CDH23: variants seen among roughly 807,000 people sequenced by gnomAD.
CDH23 encodes the protein cadherin related 23.
Under a neutral mutation model 317.1 loss-of-function variants are expected in CDH23, and 189 were observed. That is an observed-to-expected ratio of 0.60 (90% confidence interval 0.53 to 0.67). The LOEUF (loss-of-function observed/expected upper bound fraction) is 0.67. CDH23 is among the 30% of genes least tolerant of loss of function. CDH23 has a pLI of 0.00. For synonymous variants in CDH23, 1,839 were observed against 1,876.8 expected, an observed-to-expected ratio of 0.98 and a Z score of 0.52; for missense variants, 4,401 against 4,592.4, an observed-to-expected ratio of 0.96 and a Z score of 1.20.
At chr10:71,579,018 C>T (rs946992360) in intron 9 of CDH23, among the ~76,000 whole-genome samples, 1 of 152,174 alleles carries the variant, frequency 6.6e-6, no homozygotes, top group South Asian at 2.1e-4. Flanking sequence ...CCTCAATTTG[C>T]CTGTACCTCC....
chr10:71,499,611 A>C (rs1043302906), intron 3 of CDH23, among the ~76,000 whole-genome samples: 28 of 151,958 alleles, frequency 1.8e-4, no homozygotes, highest in Non-Finnish European at 3.1e-4. Flanking sequence ...AGGCGGAGGC[A>C]GGTGGATCAC....
At chr10:71,544,607 G>A (rs1482598777) in intron 6 of CDH23, among the ~76,000 whole-genome samples, 1 of 152,198 alleles carries the variant, frequency 6.6e-6, no homozygotes, top group African/African-American at 2.4e-5. Context: ...GAAAAGAGGA[G>A]GAGCATACCT....
At chr10:71,459,789 T>C (rs535747644) in intron 3 of CDH23, among the ~76,000 whole-genome samples, 1 of 152,300 alleles carries the variant, frequency 6.6e-6, no homozygotes, top group African/African-American at 2.4e-5. Context: ...CTGCTGTTAC[T>C]ACCCCTGGCC....
intron 24 of CDH23, among the ~76,000 whole-genome samples, chr10:71,703,666 T>G (rs1865673747): frequency 6.6e-6 from 1 of 152,182 alleles, no homozygotes; most frequent in Non-Finnish European, 1.5e-5. Flanking sequence ...GGGGTGAGCT[T>G]GGTGGTGCCC....
chr10:71,764,202 G>A (rs1349263160), intron 38 of CDH23, among the ~76,000 whole-genome samples: 5 of 152,202 alleles, frequency 3.3e-5, no homozygotes, highest in South Asian at 2.1e-4. Context: ...AGGCAGAACC[G>A]TAATAAGAAG....
chr10:71,814,926 C>A, intron 69 of CDH23, 26 bp from the exon 70 acceptor site: 1 of 1,586,134 alleles, frequency 6.3e-7, no homozygotes, highest in South Asian at 1.1e-5. Flanking sequence ...TGGCCCTGAG[C>A]ATGTGGGGGT....
At chr10:71,528,300 A>G (rs1293430600) in intron 6 of CDH23, among the ~76,000 whole-genome samples, 1 of 151,566 alleles carries the variant, frequency 6.6e-6, no homozygotes, top group Non-Finnish European at 1.5e-5. Context: ...TTCTCTCCCT[A>G]AAGAAGGTCA....
intron 3 of CDH23, among the ~76,000 whole-genome samples, chr10:71,484,303 T>C (rs1178276220): frequency 6.6e-6 from 1 of 152,202 alleles, no homozygotes; most frequent in Non-Finnish European, 1.5e-5. Context: ...AGGGCCAAAG[T>C]GCTTGCAAGA....
intron 1 of CDH23, among the ~76,000 whole-genome samples, chr10:71,420,577 A>T (rs1242011357): frequency 2.1e-5 from 3 of 144,830 alleles, no homozygotes; most frequent in African/African-American, 7.8e-5. Flanking sequence ...GATGATGATG[A>T]TGATGGTGAT....
chr10:71,802,877 C>T, intron 53 of CDH23, 21 bp from the exon 54 acceptor site: 1 of 1,613,680 alleles, frequency 6.2e-7, no homozygotes, highest in Non-Finnish European at 8.5e-7. Context: ...TTACCTTTGG[C>T]CTTGACCTCC....
chr10:71,785,231 C>T lies in CDH23; in HGVS notation c.5712+131C>T, dbSNP rs1405721431. ...CCGTTCCTGCACTGGGATGAGGACACCTCTGTGGGAAGCATGGAATCTTGG... is the reference window on the plus strand; with the variant it reads ...CCGTTCCTGCACTGGGATGAGGACATCTCTGTGGGAAGCATGGAATCTTGG... On this transcript the variant is annotated intron_variant, in intron 43 of 69. Transcript: ENST00000224721. 14 of 693,230 alleles carry T rather than the reference C, an allele frequency of 2.0e-5. No homozygotes were observed. The Admixed American group carries it at 3.7e-4, about 18-fold the overall frequency. 42.9% of individuals were successfully genotyped at this position (693,230 alleles called of 1,614,324 possible).
At chr10:71,646,832 G>A in intron 14 of CDH23, 2 of 1,481,494 alleles carry the variant, frequency 1.3e-6, no homozygotes, top group Non-Finnish European at 1.8e-6. Flanking sequence ...GAGCCAACCT[G>A]AGGGGTGACG....
chr10:71,753,801 CA>C (rs764503194), intron 38 of CDH23: 48 of 456,366 alleles, frequency 1.1e-4, no homozygotes, highest in Non-Finnish European at 2.0e-4. Context: ...AACAACAGAA[CA>C]AACACAGGGA....
chr10:71,646,493 G>A lies in CDH23; in HGVS notation c.1325G>A (p.Gly442Asp), dbSNP rs774087917. 7 of 1,613,724 alleles carry A rather than the reference G, an allele frequency of 4.3e-6. No homozygotes were observed. The East Asian group carries it at 1.3e-4, about 31-fold the overall frequency. Reference protein sequence around the residue: ...FANESVPDHVGYAKVKITLIN... With the variant: ...FANESVPDHVDYAKVKITLIN... ...AATGAGAGTGTGCCTGACCATGTGG[G>A]CTATGCCAAGGTGAAGATCACTCTC... Residue 442 changes from glycine (G) to aspartate (D), a missense_variant, in exon 14 of 70, where the codon GGC (glycine) becomes GAC (aspartate). Around this residue, in one of 3 missense-constraint regions of CDH23, gnomAD observed 3,068 missense variants for 3,203.3 expected, o/e 0.96. Coordinates refer to ENST00000224721, the MANE Select transcript of CDH23 (RefSeq NM_022124.6).
intron 14 of CDH23, among the ~76,000 whole-genome samples, chr10:71,650,495 T>C (rs1466980886): frequency 6.6e-6 from 1 of 152,172 alleles, no homozygotes; most frequent in Non-Finnish European, 1.5e-5. Context: ...TTTGTGCCTG[T>C]GCATGTACAT....
rs1236647535 is a variant in CDH23 at position 71,712,823 on chromosome 10, C to G, written c.3369+10C>G. On this transcript the variant is annotated intron_variant, in intron 28 of 69. Transcript: ENST00000224721. ...CCACAGCATCTTGCAGGCAGGTGGC[C>G]CGTGGCCTCTGGGGCAGGTGGTGGG... 6.2e-7 allele frequency: 1 copy of G among 1,609,214 alleles called. No individual in the cohort carries two copies. The highest frequency in any genetic ancestry group is 8.5e-7 in the Non-Finnish European group (1 of 1,178,220).
chr10:71,744,284 C>T (rs957635006), intron 38 of CDH23, among the ~76,000 whole-genome samples: 4 of 152,118 alleles, frequency 2.6e-5, no homozygotes, highest in African/African-American at 7.2e-5. Context: ...GTCAACGCAC[C>T]ACCCCCACTC....
intron 3 of CDH23, among the ~76,000 whole-genome samples, chr10:71,456,315 A>G: frequency 6.6e-6 from 1 of 151,464 alleles, no homozygotes. Flanking sequence ...GAGTTGGGGG[A>G]TGACTGACAG....
intron 19 of CDH23, among the ~76,000 whole-genome samples, chr10:71,690,032 C>T (rs1865127578): frequency 6.6e-6 from 1 of 152,154 alleles, no homozygotes; most frequent in South Asian, 2.1e-4. Context: ...AAAATAAAAA[C>T]CCTTATAAAT....
Sources: gnomAD v4.1 joint callset for allele counts (sites outside exome capture counted in the v4.1 genomes callset) on GRCh38, gnomAD v4.1.1 for gene constraint, gnomAD v4.1.1 regional missense constraint, MANE v1.5 for transcripts, NCBI Gene and HGNC (gene_info 2026-07-23, HGNC 2026-07-21) for gene names.